Variants in NIT1 observed in about 807,000 individuals in gnomAD.
The protein encoded by NIT1 is nitrilase 1, also known as deaminated glutathione amidase.
A neutral mutation model predicts 36.8 loss-of-function variants in NIT1; 30 were observed. The observed-to-expected ratio is 0.82, with a 90% CI of 0.61 to 1.11. NIT1 has a LOEUF of 1.11. Ranked by LOEUF, NIT1 falls within the 50% of genes least tolerant of loss-of-function variation. NIT1 has a pLI of 0.00. For synonymous variants in NIT1, 151 were observed against 155.6 expected (o/e 0.97, Z 0.22); for missense variants, 438 against 410.6 (o/e 1.07, Z -0.58).
downstream of NIT1, chr1:161,122,115 G>GA: frequency 6.2e-7 from 1 of 1,607,744 alleles, no homozygotes; most frequent in Admixed American, 1.7e-5. The surrounding 1 kb of genome is among the most constrained non-coding windows in gnomAD (Gnocchi z 4.2). Flanking sequence ...TGGGTGATGG[G>GA]AACAGTCCCC....
At chr1:161,122,008 CTT>C (rs1378841177), downstream of NIT1, 21 of 1,180,136 alleles carry the variant, frequency 1.8e-5, no homozygotes, top group Non-Finnish European at 2.3e-5. The surrounding 1 kb of genome is among the most constrained non-coding windows in gnomAD (Gnocchi z 4.2). Context: ...CTTCCACTTT[CTT>C]TTGTCTTTTT....
At chr1:161,118,303 AGGGTGGAGGGC>A (rs1259074136) in intron 1 of NIT1, 125 bp downstream of exon 1, 17 of 1,289,958 alleles carry the variant, frequency 1.3e-5, no homozygotes, top group Admixed American at 1.9e-5. Flanking sequence ...GGGCGGCGGG[AGGGTGGAGGGC>A]GGGGCGCGGC....
downstream of NIT1, chr1:161,123,352 A>G: frequency 1.1e-6 from 1 of 913,272 alleles, no homozygotes; most frequent in South Asian, 1.6e-5. Flanking sequence ...TTGAAAAGAC[A>G]TGTGAGACCA....
chr1:161,120,319 T>C (rs962585120), intron 6 of NIT1, 87 bp downstream of exon 6: 1 of 1,528,184 alleles, frequency 6.5e-7, no homozygotes, highest in African/African-American at 1.4e-5. Flanking sequence ...CCTTCCCCTT[T>C]CCACCTAATG....
downstream of NIT1, among the ~76,000 whole-genome samples, chr1:161,123,479 AC>A (rs1655768942): frequency 6.6e-6 from 1 of 152,086 alleles, no homozygotes; most frequent in Non-Finnish European, 1.5e-5. Flanking sequence ...CTCTAAAAAT[AC>A]AAAAAATTAG....
rs758395896 is a variant in NIT1 at position 161,119,893 on chromosome 1, A to C, written c.532A>C (p.Ser178Arg). The change falls in exon 5 of 7, where the codon AGC (serine) becomes CGC (arginine). Residue 178 changes from serine to arginine, a missense_variant. Coordinates refer to ENST00000368009, the MANE Select transcript of NIT1 (RefSeq NM_005600.3). ...TCCAGGGCAGGGGCCTATGTGTGAA[A>C]GCAACTCTACCATGCCTGGGCCCAG... ...EIPGQGPMCE[S>R]NSTMPGPSLE... is the part of the protein sequence containing the mutation. The C allele has an allele frequency of 2.5e-6, 4 of 1,613,186 alleles. No homozygotes were observed. Among genetic ancestry groups the C allele is most frequent in the South Asian group, 1.1e-5 (1 of 90,962 alleles).
At chr1:161,122,135 A>C, downstream of NIT1, 1 of 1,611,480 alleles carries the variant, frequency 6.2e-7, no homozygotes, top group Non-Finnish European at 8.5e-7. The surrounding 1 kb of genome is among the most constrained non-coding windows in gnomAD (Gnocchi z 4.2). Flanking sequence ...CAAAGTGAGA[A>C]GAGGGAATAG....
At chr1:161,122,045 A>C (rs1655558233), downstream of NIT1, 36 of 1,278,442 alleles carry the variant, frequency 2.8e-5, no homozygotes, top group Non-Finnish European at 3.4e-5. This position sits in a 1 kb window ranked among gnomAD's most constrained non-coding sequence, Gnocchi z 4.2. Context: ...AAAAAAAGGC[A>C]GGGGTGTGAT....
At position 161,120,617 on chromosome 1, in the gene NIT1, G is replaced by C. The variant is rs754296542; in HGVS notation, c.836G>C (p.Gly279Ala). Residue 279 changes from glycine (G) to alanine (A), a missense_variant, in exon 7 of 7, where the codon GGA becomes GCA. Transcript: ENST00000368009. ...CACAGCATGGTGGTAGACCCCTGGG[G>C]AACAGTGGTGGCCCGCTGCTCTGAG... is the stretch of plus-strand genomic sequence containing the variant. ...YGHSMVVDPW[G>A]TVVARCSEGP... 1.9e-6 allele frequency: 3 copies of C among 1,614,208 alleles called. No homozygotes were observed. The South Asian group carries it at 3.3e-5, about 18-fold the overall frequency.
In NIT1 at chr1:161,119,397, G is replaced by A; in HGVS notation, c.353+9G>A. On this transcript the variant is annotated intron_variant, in intron 3 of 6. Coordinates refer to ENST00000368009, the MANE Select transcript of NIT1 (RefSeq NM_005600.3). ...TACACCCAGCTTGCCAGGTATCAGGGAAATAGCGAGGGAGAGGTAGAATCT... is the reference window on the plus strand; with the variant it reads ...TACACCCAGCTTGCCAGGTATCAGGAAAATAGCGAGGGAGAGGTAGAATCT... 6.2e-7 allele frequency: 1 copy of A among 1,613,500 alleles called. No homozygotes were observed. The highest frequency in any genetic ancestry group is 8.5e-7 in the Non-Finnish European group (1 of 1,179,420).
downstream of NIT1, chr1:161,123,707 A>ATTT: frequency 2.1e-5 from 13 of 632,692 alleles, no homozygotes; most frequent in Middle Eastern, 4.9e-4. Context: ...ACCTCGCCTG[A>ATTT]TTTTTTTTTT....
chr1:161,120,345 C>T (rs915869506), intron 6 of NIT1, 113 bp downstream of exon 6: 1 of 1,474,408 alleles, frequency 6.8e-7, no homozygotes, highest in Admixed American at 1.9e-5. Flanking sequence ...ACTCATTCCC[C>T]AGATATTTCT....
chr1:161,119,444 T>G, intron 3 of NIT1, 56 bp downstream of exon 3: 1 of 1,613,446 alleles, frequency 6.2e-7, no homozygotes, highest in Non-Finnish European at 8.5e-7. Context: ...TGTCCCTGGG[T>G]TGCCAGATAT....
At chr1:161,123,635 C>CAA (rs35678373), downstream of NIT1, among the ~76,000 whole-genome samples, 8 of 88,918 alleles carry the variant, frequency 9.0e-5, no homozygotes, top group Admixed American at 3.4e-4. Flanking sequence ...GACTCTGTCT[C>CAA]AAAAAAAAAA....
At chr1:161,122,387 C>G (rs779363080), downstream of NIT1, 7 of 1,614,188 alleles carry the variant, frequency 4.3e-6, no homozygotes, top group Non-Finnish European at 5.9e-6. The surrounding 1 kb of genome is among the most constrained non-coding windows in gnomAD (Gnocchi z 4.2). Flanking sequence ...AGCCCAGGTC[C>G]CGGGACTTGA....
downstream of NIT1, chr1:161,123,905 T>C (rs767805103): frequency 2.1e-5 from 34 of 1,613,972 alleles, no homozygotes; most frequent in Middle Eastern, 3.3e-4. Flanking sequence ...ACATAGCGAA[T>C]TGATGTCTCC....
intron 1 of NIT1, 133 bp from the exon 2 acceptor site, chr1:161,118,653 G>A: frequency 6.6e-7 from 1 of 1,519,440 alleles, no homozygotes; most frequent in South Asian, 1.2e-5. Context: ...TTCTTATAAA[G>A]AGCGTTTTGA....
At chr1:161,122,388 C>T, downstream of NIT1, 2 of 1,614,162 alleles carry the variant, frequency 1.2e-6, no homozygotes, top group Non-Finnish European at 1.7e-6. The surrounding 1 kb of genome is among the most constrained non-coding windows in gnomAD (Gnocchi z 4.2). Flanking sequence ...GCCCAGGTCC[C>T]GGGACTTGAG....
At chr1:161,124,681 G>A (rs1655963877), downstream of NIT1, 1 of 1,014,856 alleles carries the variant, frequency 9.9e-7, no homozygotes, top group Non-Finnish European at 1.3e-6. Flanking sequence ...ATAAACACTG[G>A]CCAGGCACAG....
Sources: allele counts gnomAD v4.1 joint callset (sites outside exome capture counted in the v4.1 genomes callset), GRCh38; gene constraint gnomAD v4.1.1; non-coding constraint Gnocchi (gnomAD v3.1); transcripts MANE v1.5; gene names NCBI Gene and HGNC (gene_info 2026-07-23, HGNC 2026-07-21).